Variants in AGBL4 observed in about 807,000 individuals in gnomAD.
AGBL4 encodes AGBL carboxypeptidase 4, also known as cytosolic carboxypeptidase 6.
In AGBL4, 58 loss-of-function variants were observed where a neutral mutation model predicts 66.4. The observed-to-expected ratio is 0.87, with a 90% confidence interval of 0.71 to 1.09. The LOEUF (loss-of-function observed/expected upper bound fraction) is 1.09. AGBL4 is among the 50% of genes least tolerant of loss of function. AGBL4 has a pLI of 0.00. For missense variants in AGBL4, 579 were observed against 631.0 expected (o/e 0.92, Z 0.88); for synonymous variants, 234 against 222.9 (o/e 1.05, Z -0.44).
intron 4 of AGBL4, among the ~76,000 whole-genome samples, chr1:49,169,739 C>T (rs906921653): frequency 6.6e-5 from 10 of 152,118 alleles, no homozygotes; most frequent in Non-Finnish European, 1.2e-4. Context: ...TCCATCCATA[C>T]GCCAAGCCTA....
Position 49,642,874 on chromosome 1 carries a change from T to C in AGBL4, c.282+54439A>G, listed in dbSNP as rs192095693. 3.3e-5 allele frequency among the ~76,000 whole-genome samples: 5 copies of C among 152,074 alleles called. No individual in the cohort carries two copies. The East Asian group carries it at 9.6e-4, about 29-fold the overall frequency. ...TCTTGGAATGAAGCTCAAAAATACA[T>C]ATATAAATGCAAAAATATTCAGCAC... On this transcript the variant is annotated intron_variant, in intron 3 of 13. Coordinates refer to ENST00000371839, the MANE Select transcript of AGBL4 (RefSeq NM_032785.4).
chr1:49,117,880 T>C (rs1015437321), intron 4 of AGBL4, among the ~76,000 whole-genome samples: 5 of 152,190 alleles, frequency 3.3e-5, no homozygotes, highest in Admixed American at 6.5e-5. Flanking sequence ...TTTGTTTGTG[T>C]CCTCTTTCAT....
At chr1:49,079,448 A>T (rs971800828) in intron 4 of AGBL4, among the ~76,000 whole-genome samples, 1 of 152,116 alleles carries the variant, frequency 6.6e-6, no homozygotes, top group African/African-American at 2.4e-5. Context: ...AGAGAGAGAG[A>T]CTGTGTGAAG....
chr1:48,687,212 A>G (rs1278832579), intron 6 of AGBL4, among the ~76,000 whole-genome samples: 1 of 152,160 alleles, frequency 6.6e-6, no homozygotes, highest in Non-Finnish European at 1.5e-5. Context: ...GCACACAGAG[A>G]GCAAGGGAAA....
chr1:48,687,790 T>A lies in AGBL4; in HGVS notation c.635-24549A>T, dbSNP rs150788622. Among the ~76,000 whole-genome samples the A allele has an allele frequency of 3.7e-3, 568 of 152,332 alleles. 3 individuals carry two copies. Among genetic ancestry groups the A allele is most frequent in the African/African-American group, 0.013 (547 of 41,582 alleles). On this transcript the variant is annotated intron_variant, in intron 6 of 13. Coordinates refer to ENST00000371839, the MANE Select transcript of AGBL4 (RefSeq NM_032785.4). Reference sequence around the variant, plus strand: ...TGTGGCAGGCCCTGGACCAGCACCCTCGGCTGGCACTCCTGCCTTCAGGTC... The same window carrying A: ...TGTGGCAGGCCCTGGACCAGCACCCACGGCTGGCACTCCTGCCTTCAGGTC...
chr1:49,264,572 G>C (rs1480043791), intron 3 of AGBL4, among the ~76,000 whole-genome samples: 2 of 151,016 alleles, frequency 1.3e-5, no homozygotes. Flanking sequence ...TTGAGACGGA[G>C]TCTCACTCTG....
chr1:49,730,076 C>T (rs1649319930), intron 2 of AGBL4, among the ~76,000 whole-genome samples: 1 of 152,144 alleles, frequency 6.6e-6, no homozygotes, highest in Non-Finnish European at 1.5e-5. Context: ...CCTCCTGATT[C>T]CAAACCTGTA....
chr1:49,312,545 C>A (rs1644959759), intron 3 of AGBL4, among the ~76,000 whole-genome samples: 1 of 151,936 alleles, frequency 6.6e-6, no homozygotes, highest in African/African-American at 2.4e-5. Context: ...AAGGAAGTCA[C>A]AGACTGGGAA....
chr1:49,778,567 G>A (rs757389634), intron 2 of AGBL4, among the ~76,000 whole-genome samples: 21 of 152,162 alleles, frequency 1.4e-4, no homozygotes, highest in Admixed American at 2.0e-4. Flanking sequence ...GAAGAAATAC[G>A]TGGAATGCAA....
At chr1:49,192,615 T>C (rs537054630) in intron 4 of AGBL4, among the ~76,000 whole-genome samples, 3 of 152,242 alleles carry the variant, frequency 2.0e-5, no homozygotes, top group Non-Finnish European at 2.9e-5. Flanking sequence ...CATATGTTTA[T>C]AAACATGTTG....
chr1:49,445,538 T>G (rs1646135112), intron 3 of AGBL4, among the ~76,000 whole-genome samples: 1 of 152,152 alleles, frequency 6.6e-6, no homozygotes, highest in South Asian at 2.1e-4. Flanking sequence ...CATTTTGTTT[T>G]ATTTTTCTTT....
In AGBL4 at chr1:49,471,377, C is replaced by T. The variant is rs968706378; in HGVS notation, c.283-225513G>A. ...ATTTGTTTTTGTTTTTGTTTTCAGT[C>T]TTAACTTCTCAAATATTCAGGAGCC... On this transcript the variant is annotated intron_variant, in intron 3 of 13. Coordinates refer to ENST00000371839, the MANE Select transcript of AGBL4 (RefSeq NM_032785.4). Among the ~76,000 whole-genome samples the T allele has an allele frequency of 3.3e-5, 5 of 151,994 alleles. No homozygotes were observed. The South Asian group carries it at 1.0e-3, about 32-fold the overall frequency.
chr1:49,119,849 G>T (rs933095375), intron 4 of AGBL4, among the ~76,000 whole-genome samples: 9 of 152,174 alleles, frequency 5.9e-5, no homozygotes, highest in Non-Finnish European at 1.3e-4. Flanking sequence ...GTTCCTTTAT[G>T]AATCTGGGTG....
intron 4 of AGBL4, among the ~76,000 whole-genome samples, chr1:49,108,644 G>T (rs1050792540): frequency 1.3e-5 from 2 of 152,264 alleles, no homozygotes; most frequent in South Asian, 4.1e-4. Context: ...AGGGGAGAAC[G>T]TTCAGTGTTA....
At chr1:49,157,381 C>T (rs1410532011) in intron 4 of AGBL4, among the ~76,000 whole-genome samples, 1 of 152,002 alleles carries the variant, frequency 6.6e-6, no homozygotes, top group Admixed American at 6.6e-5. Context: ...TGGTTTCCAG[C>T]TTCATCCATG....
chr1:49,496,278 T>C (rs993556726), intron 3 of AGBL4, among the ~76,000 whole-genome samples: 7 of 152,092 alleles, frequency 4.6e-5, no homozygotes, highest in African/African-American at 1.7e-4. Context: ...AAATATTGTA[T>C]ACAATTATCA....
intron 3 of AGBL4, among the ~76,000 whole-genome samples, chr1:49,487,851 G>A (rs938887354): frequency 6.6e-6 from 1 of 151,862 alleles, no homozygotes; most frequent in Non-Finnish European, 1.5e-5. Flanking sequence ...CTGATATTCT[G>A]AGTACCGACC....
At chr1:49,049,623 G>T (rs1225431199) in intron 4 of AGBL4, among the ~76,000 whole-genome samples, 1 of 152,002 alleles carries the variant, frequency 6.6e-6, no homozygotes, top group Non-Finnish European at 1.5e-5. Context: ...AATAACATTG[G>T]TAGGTATCAC....
At chr1:49,867,788 A>G (rs1462051455) in intron 1 of AGBL4, among the ~76,000 whole-genome samples, 3 of 152,164 alleles carry the variant, frequency 2.0e-5, no homozygotes, top group Non-Finnish European at 4.4e-5. Context: ...ACAAAAACCA[A>G]TAACATTATG....
Sources: gnomAD v4.1 joint callset for allele counts (sites outside exome capture counted in the v4.1 genomes callset) on GRCh38, gnomAD v4.1.1 for gene constraint, MANE v1.5 for transcripts, NCBI Gene and HGNC (gene_info 2026-07-23, HGNC 2026-07-21) for gene names.